IGSF9: variants seen among roughly 807,000 people sequenced by gnomAD.
IGSF9 encodes the protein protein turtle homolog A.
Under a neutral mutation model 121.7 loss-of-function variants are expected in IGSF9, and 87 were observed. The observed-to-expected ratio is 0.71, with a 90% CI of 0.60 to 0.85. The LOEUF (loss-of-function observed/expected upper bound fraction) is 0.85. Ranked by LOEUF, IGSF9 falls within the 40% of genes least tolerant of loss-of-function variation. The pLI is 0.00. For synonymous variants in IGSF9, 640 were observed against 648.4 expected, an observed-to-expected ratio of 0.99 and a Z score of 0.20; for missense variants, 1,462 against 1,565.3, an observed-to-expected ratio of 0.93 and a Z score of 1.11.
chr1:159,930,400 G>A lies in IGSF9; in HGVS notation c.1853C>T (p.Thr618Ile), dbSNP rs1214602505. 6.4e-7 allele frequency: 1 copy of A among 1,560,830 alleles called. No homozygotes were observed. The highest frequency in any genetic ancestry group is 2.3e-5 in the East Asian group (1 of 44,228). Residue 618 changes from threonine to isoleucine, a missense_variant, in exon 15 of 21, where the codon ACA (threonine) becomes ATA (isoleucine). By Grantham distance (89) the Thr-to-Ile change is moderately conservative. This residue lies in a region of IGSF9 where 808 missense variants were observed against 815.2 expected (regional missense o/e 0.99). Transcript: ENST00000368094. The stretch of plus-strand genomic sequence containing the variant: ...AGGGGACAGGGGAGGCGGTATCTCT[G>A]TTGGGGGAAGCCCGGGTGCAGCTGG... ...TTPAAPGLPP[T>I]EIPPPLSPPR... is the part of the protein sequence containing the mutation.
rs753707665 is a variant in IGSF9 at position 159,943,451 on chromosome 1, C to T, written c.4G>A (p.Val2Met). M[V>M]WCLGLAVLSL... ...AGGACGGCCAGGCCGAGGCACCACA[C>T]CATAGCCCAGCTGGCCTGCTCACCC... The change falls in exon 2 of 21, where the codon GTG (valine) becomes ATG (methionine). Residue 2 changes from valine to methionine, a missense_variant. Transcript: ENST00000368094. The T allele has an allele frequency of 1.6e-5, 26 of 1,579,594 alleles. No homozygotes were observed. Among genetic ancestry groups the T allele is most frequent in the Non-Finnish European group, 2.2e-5 (25 of 1,162,290 alleles).
chr1:159,944,323 C>G (rs1304104420), intron 1 of IGSF9, among the ~76,000 whole-genome samples: 1 of 150,458 alleles, frequency 6.6e-6, no homozygotes, highest in African/African-American at 2.4e-5. Flanking sequence ...GAGTCAGGCA[C>G]TTGGGAGAGG....
Position 159,932,617 on chromosome 1 carries a change from C to T in IGSF9, c.1140G>A (p.Leu380=), listed in dbSNP as rs983249646. Residue 380 remains leucine, a synonymous_variant, in exon 10 of 21, where the codon CTG becomes CTA. Coordinates refer to ENST00000368094, the MANE Select transcript of IGSF9 (RefSeq NM_001135050.2). The surrounding 1 kb of genome is among the most constrained non-coding windows in gnomAD (Gnocchi z 4.1). The part of the protein sequence containing the change: ...PGWSQGTEGS[L]IIALGNEDAL... Reference sequence around the variant, plus strand: ...CATCCTCGTTCCCCAGGGCGATGATCAGTGAGCCTTCTGTGCCCTGGGACC... The same window carrying T: ...CATCCTCGTTCCCCAGGGCGATGATTAGTGAGCCTTCTGTGCCCTGGGACC... 1 of 1,613,726 alleles carries T rather than the reference C, an allele frequency of 6.2e-7. No homozygotes were observed. Among genetic ancestry groups the T allele is most frequent in the Admixed American group, 1.7e-5 (1 of 59,970 alleles).
In IGSF9 at chr1:159,934,683, A is replaced by G; in HGVS notation, c.813T>C (p.Ile271=). 1 of 1,614,222 alleles carries G rather than the reference A, an allele frequency of 6.2e-7. No individual in the cohort carries two copies. Among genetic ancestry groups the G allele is most frequent in the Non-Finnish European group, 8.5e-7 (1 of 1,180,030 alleles). ...CTTCCTAATGAGGGTGACCCCACCT[A>G]ATGTGGAAGACATTGATGTTGTCCT... ...WFQDNINVFH[I]SRLQPRVRIL... Residue 271 remains isoleucine, a splice_region_variant and synonymous_variant, in exon 7 of 21, where the codon ATT becomes ATC. Coordinates refer to ENST00000368094, the MANE Select transcript of IGSF9 (RefSeq NM_001135050.2).
Position 159,927,894 on chromosome 1 carries a change from A to T in IGSF9, c.3231-7T>A, listed in dbSNP as rs1650799237. ...GTCCACAGATGTGTTCCTCCTGTAAAAAAAAAAAAAAAGACAAACATATGG... is the reference window on the plus strand; with the variant it reads ...GTCCACAGATGTGTTCCTCCTGTAATAAAAAAAAAAAAGACAAACATATGG... On this transcript the variant is annotated splice_polypyrimidine_tract_variant and splice_region_variant and intron_variant, in intron 19 of 20. Coordinates refer to ENST00000368094, the MANE Select transcript of IGSF9 (RefSeq NM_001135050.2). The T allele has an allele frequency of 5.2e-6, 1 of 192,766 alleles. No homozygotes were observed. 11.9% of individuals were successfully genotyped at this position (192,766 alleles called of 1,614,324 possible).
At position 159,932,596 on chromosome 1, in the gene IGSF9, C is replaced by T; in HGVS notation, c.1161G>A (p.Glu387=). ...TGCAGGAGTATTCTCCCAGGGCATC[C>T]TCGTTCCCCAGGGCGATGATCAGTG... The part of the protein sequence containing the change: ...EGSLIIALGN[E]DALGEYSCTP... The change falls in exon 10 of 21, where the codon GAG becomes GAA. Residue 387 remains glutamate (E), a synonymous_variant. Transcript: ENST00000368094. This position sits in a 1 kb window ranked among gnomAD's most constrained non-coding sequence, Gnocchi z 4.1. The T allele has an allele frequency of 1.2e-6, 2 of 1,613,972 alleles. No homozygotes were observed. Among genetic ancestry groups the T allele is most frequent in the Non-Finnish European group, 8.5e-7 (1 of 1,179,902 alleles).
chr1:159,939,667 G>A (rs1651313367), intron 3 of IGSF9, among the ~76,000 whole-genome samples: 1 of 152,190 alleles, frequency 6.6e-6, no homozygotes, highest in African/African-American at 2.4e-5. Flanking sequence ...TACCTCTAGA[G>A]TGATCTGTTT....
In IGSF9 at chr1:159,928,461, G is replaced by T; in HGVS notation, c.2927C>A (p.Ser976Tyr). The change falls in exon 19 of 21, where the codon TCC becomes TAC. Residue 976 changes from serine (S) to tyrosine (Y), a missense_variant. Physicochemically the swap from Ser to Tyr is moderately radical, Grantham distance 144 (BLOSUM62 -2). Around this residue, in one of 3 missense-constraint regions of IGSF9, gnomAD observed 808 missense variants for 815.2 expected, o/e 0.99. Coordinates refer to ENST00000368094, the MANE Select transcript of IGSF9 (RefSeq NM_001135050.2). ...FLRSPETPPV[S>Y]PRESLPGAVV... ...AGCCCCAGGAAGTGATTCCCTGGGG[G>T]ATACAGGAGGGGTTTCTGGAGAACG... 1 of 1,594,132 alleles carries T rather than the reference G, an allele frequency of 6.3e-7. No homozygotes were observed. The highest frequency in any genetic ancestry group is 8.6e-7 in the Non-Finnish European group (1 of 1,168,410).
chr1:159,937,779 G>C lies in IGSF9; in HGVS notation c.307C>G (p.Gln103Glu), dbSNP rs1651247007. 3.1e-6 allele frequency: 5 copies of C among 1,614,054 alleles called. No individual in the cohort carries two copies. The highest frequency in any genetic ancestry group is 4.2e-6 in the Non-Finnish European group (5 of 1,179,974). The change falls in exon 4 of 21, where the codon CAG (glutamine) becomes GAG (glutamate). Residue 103 changes from glutamine to glutamate, a missense_variant. By Grantham distance (29) the Gln-to-Glu change is conservative. Coordinates refer to ENST00000368094, the MANE Select transcript of IGSF9 (RefSeq NM_001135050.2). The stretch of plus-strand genomic sequence containing the variant: ...AACACGCGGCACTCGTACCAGCCCT[G>C]GTCTTCCACCCGGAGACCCTCAATC... ...LQIEGLRVED[Q>E]GWYECRVFFL...
Position 159,928,786 on chromosome 1 carries a change from G to T in IGSF9, c.2602C>A (p.Arg868=). ...TVAAPQERSG[R]EQAEPRTPAQ... ...GGAGTCCGAGGTTCTGCCTGCTCCC[G>T]GCCTGACCTTTCCTGGGGGGCCGCC... The change falls in exon 19 of 21, where the codon CGG becomes AGG. Residue 868 remains arginine (R), a synonymous_variant. Transcript: ENST00000368094. The T allele has an allele frequency of 6.7e-7, 1 of 1,483,546 alleles. No individual in the cohort carries two copies. The allele number at this position is 1,483,546 out of a possible 1,614,324, so 91.9% of individuals were successfully genotyped here.
chr1:159,942,035 G>A lies in IGSF9; in HGVS notation c.247+928C>T, dbSNP rs1313918842. ...ATTCAAACTAAAGAGGGAAAAGGTG[G>A]GGGTCTCCCCATCAACATCCTCCCA... On this transcript the variant is annotated intron_variant, in intron 3 of 20. Transcript: ENST00000368094. Among the ~76,000 whole-genome samples, 5 of 152,328 alleles carry A rather than the reference G, an allele frequency of 3.3e-5. No individual in the cohort carries two copies. In the East Asian group the frequency reaches 9.6e-4, roughly 29 times the overall value.
At chr1:159,936,160 T>C (rs879738476) in intron 6 of IGSF9, among the ~76,000 whole-genome samples, 1 of 152,152 alleles carries the variant, frequency 6.6e-6, no homozygotes, top group Non-Finnish European at 1.5e-5. Flanking sequence ...CAAGCACCCA[T>C]GTCCTTTCCA....
At position 159,932,384 on chromosome 1, in the gene IGSF9, TG is replaced by T; in HGVS notation, c.1245+127del. 1 of 1,077,876 alleles carries T rather than the reference TG, an allele frequency of 9.3e-7. No individual in the cohort carries two copies. 66.8% of individuals were successfully genotyped at this position (1,077,876 alleles called of 1,614,324 possible). A position where few individuals can be genotyped will look rare whatever the true frequency, so the allele number is the denominator to read the frequency against. On this transcript the variant is annotated intron_variant, in intron 10 of 20. Coordinates refer to ENST00000368094, the MANE Select transcript of IGSF9 (RefSeq NM_001135050.2). The surrounding 1 kb of genome is among the most constrained non-coding windows in gnomAD (Gnocchi z 4.1). ...CAGGCAGCTGCTGCCGTGGCCACCA[TG>T]GGAAACAAACTTGGAAACCCCTCCC...
At position 159,934,702 on chromosome 1, in the gene IGSF9, T is replaced by C. The variant is rs1171592143; in HGVS notation, c.794A>G (p.Asn265Ser). Residue 265 changes from asparagine to serine, a missense_variant, in exon 7 of 21, where the codon AAC (asparagine) becomes AGC (serine). Asn to Ser is a conservative substitution (Grantham distance 46). This residue lies in a region of IGSF9 where 558 missense variants were observed against 599.4 expected (regional missense o/e 0.93). Coordinates refer to ENST00000368094, the MANE Select transcript of IGSF9 (RefSeq NM_001135050.2). The stretch of plus-strand genomic sequence containing the variant: ...CCACCTAATGTGGAAGACATTGATG[T>C]TGTCCTGGAACCAGCTGTAGGTGAG... ...ANLTYSWFQD[N>S]INVFHISRLQ... 3 of 1,614,230 alleles carry C rather than the reference T, an allele frequency of 1.9e-6. No homozygotes were observed. The East Asian group carries it at 6.7e-5, about 36-fold the overall frequency.
rs1286659569 is a variant in IGSF9, at chr1:159,932,299, G to T, written c.1245+213C>A. The stretch of plus-strand genomic sequence containing the variant: ...CAAACAGGATATCTTACTTCTGGAT[G>T]TGTGTGACTGATGTCCCACCTCCCG... On this transcript the variant is annotated intron_variant, in intron 10 of 20. Coordinates refer to ENST00000368094, the MANE Select transcript of IGSF9 (RefSeq NM_001135050.2). The surrounding 1 kb of genome is among the most constrained non-coding windows in gnomAD (Gnocchi z 4.1). 8.4e-6 allele frequency: 5 copies of T among 598,504 alleles called. No individual in the cohort carries two copies. The East Asian group carries it at 1.4e-4, about 17-fold the overall frequency. 37.1% of individuals were successfully genotyped at this position (598,504 alleles called of 1,614,324 possible). A position where few individuals can be genotyped will look rare whatever the true frequency, so the allele number is the denominator to read the frequency against.
Position 159,932,430 on chromosome 1 carries a change from A to T in IGSF9, c.1245+82T>A. On this transcript the variant is annotated intron_variant, in intron 10 of 20. Coordinates refer to ENST00000368094, the MANE Select transcript of IGSF9 (RefSeq NM_001135050.2). This position sits in a 1 kb window ranked among gnomAD's most constrained non-coding sequence, Gnocchi z 4.1. Reference sequence around the variant, plus strand: ...CCTCCCCATGTGTCTGCCCCACCCCACCCCCATCAGCCTGGCCTTAGCACC... The same window carrying T: ...CCTCCCCATGTGTCTGCCCCACCCCTCCCCCATCAGCCTGGCCTTAGCACC... 1 of 505,732 alleles carries T rather than the reference A, an allele frequency of 2.0e-6. No homozygotes were observed. Among genetic ancestry groups the T allele is most frequent in the East Asian group, 4.5e-5 (1 of 22,080 alleles). The allele number at this position is 505,732 out of a possible 1,614,324, so 31.3% of individuals were successfully genotyped here.
At chr1:159,933,332 G>A (rs1651066912) in intron 9 of IGSF9, 1 of 152,270 alleles carries the variant, frequency 6.6e-6, no homozygotes, top group African/African-American at 2.4e-5. Context: ...CCAACTGCCT[G>A]TAGACTTTTT....
rs745598564 is a variant in IGSF9 at position 159,934,259 on chromosome 1, C to T, written c.1035G>A (p.Pro345=). 1.2e-5 allele frequency: 20 copies of T among 1,613,748 alleles called. No homozygotes were observed. In the Admixed American group the frequency reaches 2.2e-4, roughly 17 times the overall value. Residue 345 remains proline (P), a synonymous_variant, in exon 9 of 21, where the codon CCG becomes CCA. Coordinates refer to ENST00000368094, the MANE Select transcript of IGSF9 (RefSeq NM_001135050.2). ...AGAGCAGTGGGGGGTTGGCACGAAC[C>T]GGGCAGCGGATCACCCCCGGCATGC... The part of the protein sequence containing the change: ...PIGMPGVIRC[P]VRANPPLLFV...
In IGSF9 at chr1:159,937,845, G is replaced by A. The variant is rs748486544; in HGVS notation, c.248-7C>T. 10 of 1,612,416 alleles carry A rather than the reference G, an allele frequency of 6.2e-6. No individual in the cohort carries two copies. The highest frequency in any genetic ancestry group is 8.5e-6 in the Non-Finnish European group (10 of 1,179,226). ...TTCTGCAGCCGGACTCGTCCTGGGG[G>A]AGGAGCCCTGAATCAAGGGTGCTGA... On this transcript the variant is annotated splice_region_variant and splice_polypyrimidine_tract_variant and intron_variant, in intron 3 of 20. Coordinates refer to ENST00000368094, the MANE Select transcript of IGSF9 (RefSeq NM_001135050.2).
Sources: allele counts gnomAD v4.1 joint callset (sites outside exome capture counted in the v4.1 genomes callset), GRCh38; gene constraint gnomAD v4.1.1; regional missense constraint gnomAD v4.1.1; non-coding constraint Gnocchi (gnomAD v3.1); transcripts MANE v1.5; gene names NCBI Gene and HGNC (gene_info 2026-07-23, HGNC 2026-07-21).